The following SUMF1 variants were observed in gnomAD, a reference collection of about 807,000 sequenced individuals.
The protein encoded by SUMF1 is sulfatase modifying factor 1, also known as formylglycine-generating enzyme.
In SUMF1, 48 loss-of-function variants were observed where a neutral mutation model predicts 47.6. The ratio of observed to expected loss-of-function variants is 1.01; its 90% CI spans 0.80 to 1.28. The LOEUF is 1.28. Among genes scored for constraint, SUMF1 ranks in the 50% most tolerant of loss-of-function variants. SUMF1 has a pLI of 0.00. For synonymous variants in SUMF1, 230 were observed against 192.1 expected, an observed-to-expected ratio of 1.20 and a Z score of -1.63; for missense variants, 571 against 485.4, an observed-to-expected ratio of 1.18 and a Z score of -1.66.
intron 8 of SUMF1, among the ~76,000 whole-genome samples, chr3:4,191,052 T>C (rs1414789469): frequency 1.3e-5 from 2 of 152,130 alleles, no homozygotes; most frequent in African/African-American, 2.4e-5. Context: ...GAGGGTGCTA[T>C]CATGGATCAA....
At chr3:4,207,489 C>G (rs1695678690) in intron 8 of SUMF1, among the ~76,000 whole-genome samples, 1 of 152,002 alleles carries the variant, frequency 6.6e-6, no homozygotes, top group African/African-American at 2.4e-5. Context: ...ATGTTTATTT[C>G]TAGTTTGTTG....
intron 8 of SUMF1, among the ~76,000 whole-genome samples, chr3:4,292,515 C>G (rs1295516836): frequency 6.6e-6 from 1 of 152,206 alleles, no homozygotes; most frequent in Non-Finnish European, 1.5e-5. Context: ...TTTTATTCAC[C>G]TCGTGGTCTA....
At chr3:4,239,399 T>A (rs567359751) in intron 8 of SUMF1, among the ~76,000 whole-genome samples, 1 of 152,126 alleles carries the variant, frequency 6.6e-6, no homozygotes, top group African/African-American at 2.4e-5. Context: ...ATTACTCCTA[T>A]CCATAAGCAT....
intron 8 of SUMF1, among the ~76,000 whole-genome samples, chr3:4,353,579 C>T (rs1699555225): frequency 6.6e-6 from 1 of 152,162 alleles, no homozygotes; most frequent in Non-Finnish European, 1.5e-5. Flanking sequence ...AATATACAAG[C>T]TCATATTCTG....
At chr3:4,399,006 C>A (rs1004691098) in intron 7 of SUMF1, among the ~76,000 whole-genome samples, 1 of 152,124 alleles carries the variant, frequency 6.6e-6, no homozygotes, top group Non-Finnish European at 1.5e-5. Flanking sequence ...AAAGTCAAAA[C>A]CTCTAGAGCT....
rs1350782911 is a variant in SUMF1 at position 4,467,203 on chromosome 3, C to T, written c.43G>A (p.Glu15Lys). 6.2e-7 allele frequency: 1 copy of T among 1,611,608 alleles called. No homozygotes were observed. Among genetic ancestry groups the T allele is most frequent in the Non-Finnish European group, 8.5e-7 (1 of 1,179,328 alleles). The change falls in exon 1 of 9, where the codon GAG becomes AAG. Residue 15 changes from glutamate (E) to lysine (K), a missense_variant. Transcript: ENST00000272902. ...AGCAGCAAGAGGACGAGACCCAGCT[C>T]AGGGCAACGTCCACACACCAGCCCT... is the stretch of plus-strand genomic sequence containing the variant. ...ALGLVCGRCPELGLVLLLLLL... is the reference protein window; with the variant it reads ...ALGLVCGRCPKLGLVLLLLLL...
At chr3:4,174,151 T>C (rs1694901635) in intron 8 of SUMF1, among the ~76,000 whole-genome samples, 1 of 151,546 alleles carries the variant, frequency 6.6e-6, no homozygotes, top group Admixed American at 6.6e-5. Context: ...GGTCAGGAGA[T>C]CGAGAGCATC....
chr3:4,440,566 A>ATTCT (rs1243084631), intron 3 of SUMF1, among the ~76,000 whole-genome samples: 1 of 152,176 alleles, frequency 6.6e-6, no homozygotes, highest in Non-Finnish European at 1.5e-5. Flanking sequence ...AGACTGCATT[A>ATTCT]TTCTTTGCCT....
chr3:4,313,986 TG>T, intron 8 of SUMF1: 1 of 795,472 alleles, frequency 1.3e-6, no homozygotes. Flanking sequence ...TCTTAGTGAC[TG>T]TTCTAGTTAA....
intron 6 of SUMF1, among the ~76,000 whole-genome samples, chr3:4,412,156 GATTC>G (rs1340248587): frequency 6.6e-6 from 1 of 152,204 alleles, no homozygotes; most frequent in Non-Finnish European, 1.5e-5. Context: ...TTTATTCATT[GATTC>G]ATTCAGTAAT....
At chr3:4,156,776 A>C (rs971681165) in intron 8 of SUMF1, among the ~76,000 whole-genome samples, 4 of 151,696 alleles carry the variant, frequency 2.6e-5, no homozygotes, top group Admixed American at 2.0e-4. Flanking sequence ...TTGCTAGACA[A>C]CCCAAGCGAA....
At chr3:4,343,760 T>C (rs922146468) in intron 8 of SUMF1, among the ~76,000 whole-genome samples, 12 of 152,178 alleles carry the variant, frequency 7.9e-5, no homozygotes, top group African/African-American at 2.4e-4. Context: ...CCAACACAAT[T>C]TGAAATAACC....
chr3:4,086,906 T>C (rs1399535468), intron 8 of SUMF1, among the ~76,000 whole-genome samples: 1 of 152,106 alleles, frequency 6.6e-6, no homozygotes, highest in Non-Finnish European at 1.5e-5. Context: ...CCACCATGAT[T>C]ATGAGGCCTC....
chr3:4,174,528 AC>A (rs1694913697), intron 8 of SUMF1, among the ~76,000 whole-genome samples: 1 of 130,196 alleles, frequency 7.7e-6, no homozygotes, highest in Admixed American at 8.1e-5. Flanking sequence ...ACATGGCAAA[AC>A]CCCCATCTCT....
At chr3:4,338,840 T>C (rs1699208342) in intron 8 of SUMF1, among the ~76,000 whole-genome samples, 2 of 151,904 alleles carry the variant, frequency 1.3e-5, no homozygotes, top group South Asian at 4.2e-4. Flanking sequence ...CCCCTATAAT[T>C]TAGTGTGTGT....
downstream of SUMF1, among the ~76,000 whole-genome samples, chr3:4,357,638 C>T (rs754887476): frequency 4.6e-5 from 7 of 150,932 alleles, no homozygotes; most frequent in East Asian, 3.9e-4. Context: ...GACGGAGTTT[C>T]GCTCTTGTCA....
Position 4,200,061 on chromosome 3 carries a change from C to A in SUMF1, c.1015-131316G>T, listed in dbSNP as rs115027849. Among the ~76,000 whole-genome samples, 298 of 151,788 alleles carry A rather than the reference C, an allele frequency of 2.0e-3. 2 individuals carry two copies. The highest frequency in any genetic ancestry group is 7.0e-3 in the African/African-American group (292 of 41,448). On this transcript the variant is annotated intron_variant and NMD_transcript_variant, in intron 8 of 12. Transcript: ENST00000448413. ...GTGTTTTGTGCCTAGCCCAAGGTCA[C>A]AAATTTTTTCTCTCATCTTTAATTC...
At chr3:4,422,860 G>C (rs1701945919) in intron 3 of SUMF1, among the ~76,000 whole-genome samples, 1 of 151,808 alleles carries the variant, frequency 6.6e-6, no homozygotes, top group African/African-American at 2.4e-5. Flanking sequence ...ACATGTGTAA[G>C]TGCTTTGGTG....
chr3:4,198,611 G>A (rs747445231), intron 8 of SUMF1, among the ~76,000 whole-genome samples: 7 of 152,030 alleles, frequency 4.6e-5, no homozygotes, highest in Admixed American at 2.0e-4. Context: ...ACTGACAATG[G>A]CCCGACAAAA....
Sources: allele counts gnomAD v4.1 joint callset (sites outside exome capture counted in the v4.1 genomes callset), GRCh38; gene constraint gnomAD v4.1.1; transcripts MANE v1.5; gene names NCBI Gene and HGNC (gene_info 2026-07-23, HGNC 2026-07-21).